Variants in HSD17B14 observed in about 807,000 individuals in gnomAD.
HSD17B14 encodes hydroxysteroid 17-beta dehydrogenase 14, also known as L-fucose dehydrogenase.
HSD17B14 carries 32 observed loss-of-function variants against 32.2 expected under a neutral mutation model. The observed-to-expected ratio is 0.99, with a 90% CI of 0.75 to 1.33. The LOEUF is 1.33. Among genes scored for constraint, HSD17B14 ranks in the 40% most tolerant of loss-of-function variants. The pLI, the probability that HSD17B14 is intolerant of heterozygous loss-of-function variation, is 0.00. For missense variants in HSD17B14, 370 were observed against 366.5 expected (o/e 1.01, Z -0.08); for synonymous variants, 140 against 155.4 (o/e 0.90, Z 0.74).
In HSD17B14 at chr19:48,835,808, C is replaced by G. The variant is rs1380755584; in HGVS notation, c.124G>C (p.Asp42His). The change falls in exon 2 of 9, where the codon GAT (aspartate) becomes CAT (histidine). Residue 42 changes from aspartate to histidine, a missense_variant. By Grantham distance (81) the Asp-to-His change is moderately conservative. Transcript: ENST00000263278. The stretch of plus-strand genomic sequence containing the variant: ...GGGCTGAGGGACCGTCACTCACCAT[C>G]CTTGTCGCAGATAACCACTCGGGCC... ...SGARVVICDK[D>H]ESGGRALEQE... is the part of the protein sequence containing the mutation. The G allele has an allele frequency of 1.2e-6, 2 of 1,613,530 alleles. No homozygotes were observed. The highest frequency in any genetic ancestry group is 1.7e-6 in the Non-Finnish European group (2 of 1,179,736).
intron 5 of HSD17B14, among the ~76,000 whole-genome samples, chr19:48,816,807 C>CTTTCTTTCTTTCTT (rs2035061791): frequency 8.5e-6 from 1 of 118,152 alleles, no homozygotes; most frequent in Non-Finnish European, 1.7e-5. Flanking sequence ...TTCTTTCTTT[C>CTTTCTTTCTTTCTT]TTTCTTTCTT....
intron 6 of HSD17B14, 61 bp from the exon 7 acceptor site, chr19:48,813,791 A>G: frequency 6.3e-7 from 1 of 1,584,122 alleles, no homozygotes; most frequent in South Asian, 1.1e-5. Flanking sequence ...CCTGCCATCC[A>G]TTGTCTCCTG....
rs564782235 is a variant in HSD17B14 at position 48,824,292 on chromosome 19, G to A, written c.369+7376C>T. Among the ~76,000 whole-genome samples, 14 of 83,506 alleles carry A rather than the reference G, an allele frequency of 1.7e-4. No homozygotes were observed. The East Asian group carries it at 3.8e-3, about 23-fold the overall frequency. The allele number at this position is 83,506 out of a possible 152,430, so 54.8% of individuals were successfully genotyped here. ...AAAAAAAAAAAATTAGTCGGGTGCT[G>A]TGGCATGTATCTGTAGTCCCAGCTA... On this transcript the variant is annotated intron_variant, in intron 5 of 8. Coordinates refer to ENST00000263278, the MANE Select transcript of HSD17B14 (RefSeq NM_016246.3).
intron 5 of HSD17B14, among the ~76,000 whole-genome samples, chr19:48,819,618 C>T (rs2035113029): frequency 6.6e-6 from 1 of 152,186 alleles, no homozygotes; most frequent in Non-Finnish European, 1.5e-5. Flanking sequence ...TCTCCACCTC[C>T]TCCACTGGTC....
chr19:48,822,621 A>C (rs1346022654), intron 5 of HSD17B14, among the ~76,000 whole-genome samples: 1 of 149,426 alleles, frequency 6.7e-6, no homozygotes, highest in Non-Finnish European at 1.5e-5. Context: ...GATTGTGGTA[A>C]TGATGATGGT....
At position 48,816,779 on chromosome 19, in the gene HSD17B14, TTTTCTTTC is replaced by T. The variant is rs368394306; in HGVS notation, c.370-1646_370-1639del. ...AGCATGGGCAGCTTAGCAAGACCCT[TTTTCTTTC>T]TTTCTTTCTTTCTTTCTTTCTTTCT... On this transcript the variant is annotated intron_variant, in intron 5 of 8. Coordinates refer to ENST00000263278, the MANE Select transcript of HSD17B14 (RefSeq NM_016246.3). Among the ~76,000 whole-genome samples, 70 of 122,284 alleles carry T rather than the reference TTTTCTTTC, an allele frequency of 5.7e-4. 1 individual carries two copies. The highest frequency in any genetic ancestry group is 2.4e-3 in the South Asian group (9 of 3,710). The allele number at this position is 122,284 out of a possible 152,430, so 80.2% of individuals were successfully genotyped here. A position where few individuals can be genotyped will look rare whatever the true frequency, so the allele number is the denominator to read the frequency against.
At position 48,828,416 on chromosome 19, in the gene HSD17B14, G is replaced by C. The variant is rs374992023; in HGVS notation, c.369+3252C>G. The stretch of plus-strand genomic sequence containing the variant: ...AATCCCAGCTTGAGGCAAGGAGTTC[G>C]AGACCAGCCTGAGCAGCATAGAAAG... On this transcript the variant is annotated intron_variant, in intron 5 of 8. Coordinates refer to ENST00000263278, the MANE Select transcript of HSD17B14 (RefSeq NM_016246.3). Among the ~76,000 whole-genome samples, 458 of 152,062 alleles carry C rather than the reference G, an allele frequency of 3.0e-3. 1 individual carries two copies. The highest frequency in any genetic ancestry group is 9.9e-3 in the African/African-American group (409 of 41,486).
intron 3 of HSD17B14, among the ~76,000 whole-genome samples, chr19:48,833,474 C>G (rs181389320): frequency 6.6e-6 from 1 of 151,922 alleles, no homozygotes; most frequent in Non-Finnish European, 1.5e-5. Flanking sequence ...GGCGGATCAC[C>G]TGAGGTCAGG....
At position 48,834,351 on chromosome 19, in the gene HSD17B14, C is replaced by G. The variant is rs1318376902; in HGVS notation, c.135G>C (p.Gly45=). Residue 45 remains glycine (G), a synonymous_variant, in exon 3 of 9, where the codon GGG becomes GGC. Transcript: ENST00000263278. ...RVVICDKDES[G]GRALEQELPG... is the part of the protein sequence containing the mutation. ...GGAGCTCCTGCTCCAGGGCCCGGCC[C>G]CCAGACTCTGCAGGGAGAGAAGAGC... 6.2e-7 allele frequency: 1 copy of G among 1,613,332 alleles called. No individual in the cohort carries two copies. The highest frequency in any genetic ancestry group is 8.5e-7 in the Non-Finnish European group (1 of 1,179,514).
chr19:48,830,934 G>A (rs113013739), intron 5 of HSD17B14, among the ~76,000 whole-genome samples: 3,795 of 151,898 alleles, frequency 0.025, 165 homozygotes, highest in African/African-American at 0.086. Context: ...GACTTCCTGG[G>A]CTCAAACGAT....
At chr19:48,832,595 G>C in intron 4 of HSD17B14, 71 bp downstream of exon 4, 1 of 1,346,026 alleles carries the variant, frequency 7.4e-7, no homozygotes, top group Non-Finnish European at 1.1e-6. Context: ...CAGGGAGTGG[G>C]GAAACTGACG....
chr19:48,826,812 G>A (rs1488789035), intron 5 of HSD17B14, among the ~76,000 whole-genome samples: 2 of 151,684 alleles, frequency 1.3e-5, no homozygotes, highest in African/African-American at 4.8e-5. Flanking sequence ...TCCCCTCTTT[G>A]CCTACTCTTG....
chr19:48,830,822 C>T (rs1198600172), intron 5 of HSD17B14, among the ~76,000 whole-genome samples: 1 of 147,700 alleles, frequency 6.8e-6, no homozygotes, highest in South Asian at 2.2e-4. Flanking sequence ...TGGACCTGGC[C>T]TATTTATTTA....
chr19:48,833,826 T>TA lies in HSD17B14; in HGVS notation c.210+449dup, dbSNP rs55633542. On this transcript the variant is annotated intron_variant, in intron 3 of 8. Transcript: ENST00000263278. ...GGGCAACAGGAGCGAAACTCTGTCT[T>TA]AAAAAAAAAAAAAATTAGCCGGGCA... is the stretch of plus-strand genomic sequence containing the variant. Among the ~76,000 whole-genome samples, 177 of 110,270 alleles carry TA rather than the reference T, an allele frequency of 1.6e-3. 2 individuals carry two copies. The highest frequency in any genetic ancestry group is 5.1e-3 in the Middle Eastern group (1 of 196). The allele number at this position is 110,270 out of a possible 152,430, so 72.3% of individuals were successfully genotyped here.
chr19:48,821,490 G>T (rs1323292840), intron 5 of HSD17B14, among the ~76,000 whole-genome samples: 1 of 152,112 alleles, frequency 6.6e-6, no homozygotes, highest in Non-Finnish European at 1.5e-5. Flanking sequence ...ACTTTGGCTT[G>T]TATCAGAATC....
rs769505004 is a variant in HSD17B14, at chr19:48,815,073, G to A, written c.438C>T (p.Ile146=). Residue 146 remains isoleucine, a synonymous_variant, in exon 6 of 9, where the codon ATC becomes ATT. Transcript: ENST00000263278. ...CATAGGGAACTGCCTGGGCCTGGCC[G>A]ATTGCCCCCACCAGGCTGGAGATGT... ...VINISSLVGA[I]GQAQAVPYVA... 3.3e-5 allele frequency: 54 copies of A among 1,613,932 alleles called. No individual in the cohort carries two copies. The highest frequency in any genetic ancestry group is 1.6e-4 in the Middle Eastern group (1 of 6,062).
chr19:48,816,691 T>G (rs1038647617), intron 5 of HSD17B14, among the ~76,000 whole-genome samples: 1 of 152,218 alleles, frequency 6.6e-6, no homozygotes, highest in East Asian at 1.9e-4. Context: ...AGCTCACACC[T>G]GTAATCCTTG....
At chr19:48,823,639 C>CT (rs2035195351) in intron 5 of HSD17B14, among the ~76,000 whole-genome samples, 1 of 127,120 alleles carries the variant, frequency 7.9e-6, no homozygotes, top group Non-Finnish European at 1.6e-5. Flanking sequence ...TTTCTTTTTT[C>CT]TTTCTTTTTT....
rs767869821 is a variant in HSD17B14, at chr19:48,836,462, C to T, written c.-51G>A. 9 of 1,579,464 alleles carry T rather than the reference C, an allele frequency of 5.7e-6. No individual in the cohort carries two copies. Among genetic ancestry groups the T allele is most frequent in the Non-Finnish European group, 7.8e-6 (9 of 1,152,432 alleles). Reference sequence around the variant, plus strand: ...CTCTACTCTGGGCCTCTTTCACCTCCAAAGCCCCGTGAGGCCGTCGCATCA... The same window carrying T: ...CTCTACTCTGGGCCTCTTTCACCTCTAAAGCCCCGTGAGGCCGTCGCATCA... On this transcript the variant is annotated 5_prime_UTR_variant, in exon 1 of 9. Transcript: ENST00000263278.
Sources: gnomAD v4.1 joint callset for allele counts (sites outside exome capture counted in the v4.1 genomes callset) on GRCh38, gnomAD v4.1.1 for gene constraint, MANE v1.5 for transcripts, NCBI Gene and HGNC (gene_info 2026-07-23, HGNC 2026-07-21) for gene names.